The following IL7 variants were observed in gnomAD, a reference collection of about 807,000 sequenced individuals.
IL7 encodes interleukin 7, also known as interleukin-7.
A neutral mutation model predicts 21.6 loss-of-function variants in IL7; 3 were observed. The ratio of observed to expected loss-of-function variants is 0.14; its 90% CI spans 0.06 to 0.36. The LOEUF is 0.36. Ranked by LOEUF, IL7 falls within the 10% of genes least tolerant of loss-of-function variation. IL7 has a pLI of 1.00. For synonymous variants in IL7, 62 were observed against 68.1 expected (o/e 0.91, Z 0.44); for missense variants, 175 against 200.2 (o/e 0.87, Z 0.76).
intron 3 of IL7, among the ~76,000 whole-genome samples, chr8:78,698,038 A>T (rs750031474): frequency 6.6e-6 from 1 of 152,042 alleles, no homozygotes; most frequent in African/African-American, 2.4e-5. Flanking sequence ...TATTGATGTC[A>T]TCTGTTCAGA....
intron 2 of IL7, among the ~76,000 whole-genome samples, chr8:78,752,478 A>T (rs978134839): frequency 6.6e-6 from 1 of 152,174 alleles, no homozygotes; most frequent in East Asian, 1.9e-4. Context: ...CAGGTGTGAT[A>T]GCTCATTGTG....
chr8:78,712,044 G>C, intron 3 of IL7: 1 of 1,289,706 alleles, frequency 7.8e-7, no homozygotes, highest in Non-Finnish European at 1.0e-6. Context: ...TGCAAAGGTT[G>C]TATGACAGTG....
intron 3 of IL7, among the ~76,000 whole-genome samples, chr8:78,705,948 G>C (rs1810759651): frequency 6.6e-6 from 1 of 152,138 alleles, no homozygotes; most frequent in South Asian, 2.1e-4. Context: ...ATACCAGCAG[G>C]GATGGTTGGA....
At chr8:78,694,605 C>T (rs1810337679) in intron 3 of IL7, among the ~76,000 whole-genome samples, 1 of 152,124 alleles carries the variant, frequency 6.6e-6, no homozygotes, top group South Asian at 2.1e-4. Flanking sequence ...ATTTGACATT[C>T]AGTGCTTTTA....
In IL7 at chr8:78,697,988, TG is replaced by T. The variant is rs1281053858; in HGVS notation, n.215-12042del. On this transcript the variant is annotated intron_variant and non_coding_transcript_variant, in intron 3 of 4. Transcript: ENST00000523959. ...CCACCGTGGTGCCGAGCCACTTTTT[TG>T]TTGTTTTTTTCAGCTTAAATGTTGG... 5.3e-5 allele frequency among the ~76,000 whole-genome samples: 8 copies of T among 152,266 alleles called. 1 individual carries two copies. Among genetic ancestry groups the T allele is most frequent in the Admixed American group, 5.2e-4 (8 of 15,294 alleles).
chr8:78,694,011 T>G (rs2130525402), intron 3 of IL7, among the ~76,000 whole-genome samples: 1 of 152,346 alleles, frequency 6.6e-6, no homozygotes, highest in South Asian at 2.1e-4. Flanking sequence ...ATTTCTTGTT[T>G]TTGTCAGGTT....
At chr8:78,767,119 G>A (rs965806648) in intron 2 of IL7, among the ~76,000 whole-genome samples, 16 of 151,782 alleles carry the variant, frequency 1.1e-4, no homozygotes, top group Admixed American at 6.6e-4. Flanking sequence ...TAAGTTTTTT[G>A]TCTTTTAATG....
intron 2 of IL7, among the ~76,000 whole-genome samples, chr8:78,778,225 T>C (rs750077812): frequency 5.3e-5 from 8 of 152,120 alleles, no homozygotes; most frequent in Non-Finnish European, 1.0e-4. Flanking sequence ...AACAGCCATT[T>C]CATAAATGCA....
chr8:78,735,312 G>GTTTTTTTTTTTTTTT (rs144374908), intron 5 of IL7, among the ~76,000 whole-genome samples: 5 of 71,986 alleles, frequency 6.9e-5, no homozygotes, highest in Non-Finnish European at 8.9e-5. Flanking sequence ...TTTTTGCTCT[G>GTTTTTTTTTTTTTTT]TTTTTTGTTT....
In IL7 at chr8:78,805,088, G is replaced by C. The variant is rs1239842873; in HGVS notation, c.-166C>G. On this transcript the variant is annotated 5_prime_UTR_variant, in exon 1 of 6. Coordinates refer to ENST00000263851, the MANE Select transcript of IL7 (RefSeq NM_000880.4). ...TCCTCTTACCCACGCCGCGACTGCA[G>C]TTTCATCCATCCCAAGGGGGGCGGC... 1 of 652,348 alleles carries C rather than the reference G, an allele frequency of 1.5e-6. No homozygotes were observed. The highest frequency in any genetic ancestry group is 2.6e-6 in the Non-Finnish European group (1 of 382,248). 40.4% of individuals were successfully genotyped at this position (652,348 alleles called of 1,614,324 possible). A position where few individuals can be genotyped will look rare whatever the true frequency, so the allele number is the denominator to read the frequency against.
chr8:78,771,377 G>C (rs1394358577), intron 2 of IL7, among the ~76,000 whole-genome samples: 1 of 152,102 alleles, frequency 6.6e-6, no homozygotes. Context: ...GTCTAAGGCA[G>C]TTAAGACCTG....
intron 2 of IL7, chr8:78,747,006 G>A (rs1266497646): frequency 2.2e-6 from 1 of 456,560 alleles, no homozygotes; most frequent in South Asian, 1.5e-5. Context: ...GGTCACATGT[G>A]CTAGAGCTAG....
At chr8:78,768,603 C>T (rs1563427871) in intron 2 of IL7, among the ~76,000 whole-genome samples, 3 of 151,280 alleles carry the variant, frequency 2.0e-5, no homozygotes, top group South Asian at 2.1e-4. Context: ...CCTTTGCCCA[C>T]TTTTTGATGG....
intron 3 of IL7, among the ~76,000 whole-genome samples, chr8:78,702,495 T>G (rs1005796087): frequency 6.6e-6 from 1 of 152,212 alleles, no homozygotes; most frequent in African/African-American, 2.4e-5. Flanking sequence ...ATTTCTTGTC[T>G]TCTGCTAGCT....
At chr8:78,738,752 C>G in intron 3 of IL7, 117 bp from the exon 4 acceptor site, 1 of 816,966 alleles carries the variant, frequency 1.2e-6, no homozygotes. Flanking sequence ...CGCCTCCACC[C>G]CAGCTTTCTA....
At chr8:78,741,624 G>T (rs547972622) in intron 2 of IL7, among the ~76,000 whole-genome samples, 1 of 152,272 alleles carries the variant, frequency 6.6e-6, no homozygotes, top group African/African-American at 2.4e-5. Flanking sequence ...GCTGTTCTAG[G>T]TTATTAATAA....
intron 2 of IL7, among the ~76,000 whole-genome samples, chr8:78,775,005 C>T (rs1287397689): frequency 6.6e-6 from 1 of 152,002 alleles, no homozygotes; most frequent in Non-Finnish European, 1.5e-5. Context: ...ATGAACAAAT[C>T]TTAGTTGTTA....
rs181715807 is a variant in IL7, at chr8:78,762,603, C to T, written c.148-22521G>A. 3.4e-3 allele frequency among the ~76,000 whole-genome samples: 518 copies of T among 151,608 alleles called. 3 individuals are homozygous for T. The highest frequency in any genetic ancestry group is 0.012 in the African/African-American group (484 of 41,430). ...CCGCCGGGTTCTTTTTTATATCTGTCTCTCTTTCTTGAAATTCTCATTGAA... is the reference window on the plus strand; with the variant it reads ...CCGCCGGGTTCTTTTTTATATCTGTTTCTCTTTCTTGAAATTCTCATTGAA... On this transcript the variant is annotated intron_variant, in intron 2 of 5. Coordinates refer to ENST00000263851, the MANE Select transcript of IL7 (RefSeq NM_000880.4).
chr8:78,760,440 A>C (rs1201839041), intron 2 of IL7: 15 of 1,582,542 alleles, frequency 9.5e-6, no homozygotes, highest in Admixed American at 3.7e-5. Flanking sequence ...AGGGCTTCAT[A>C]GATGGTGGAC....
Sources: allele counts gnomAD v4.1 joint callset (sites outside exome capture counted in the v4.1 genomes callset), GRCh38; gene constraint gnomAD v4.1.1; transcripts MANE v1.5; gene names NCBI Gene and HGNC (gene_info 2026-07-23, HGNC 2026-07-21).